RGS3: variants seen among roughly 807,000 people sequenced by gnomAD.
The protein encoded by RGS3 is regulator of G-protein signalling 3.
Under a neutral mutation model 132.6 loss-of-function variants are expected in RGS3, and 80 were observed. That is an observed-to-expected ratio of 0.60 (90% CI 0.50 to 0.73). The LOEUF is 0.73. Ranked by LOEUF, RGS3 falls within the 30% of genes least tolerant of loss-of-function variation. RGS3 has a pLI of 0.00. For synonymous variants in RGS3, 598 were observed against 620.6 expected (o/e 0.96, Z 0.54); for missense variants, 1,382 against 1,530.8 (o/e 0.90, Z 1.62).
intron 17 of RGS3, among the ~76,000 whole-genome samples, chr9:113,528,921 G>T (rs1219957717): frequency 6.6e-6 from 1 of 152,218 alleles, no homozygotes; most frequent in African/African-American, 2.4e-5. Context: ...GATGGATGAG[G>T]GCTCCCCCCA....
chr9:113,522,134 A>T (rs1588196720), intron 16 of RGS3: 5 of 152,346 alleles, frequency 3.3e-5, no homozygotes, highest in Admixed American at 3.3e-4. Context: ...AATGTCTAAG[A>T]ATAGCCTCTG....
intron 14 of RGS3, among the ~76,000 whole-genome samples, chr9:113,510,375 A>AT (rs1371576191): frequency 6.6e-6 from 1 of 152,248 alleles, no homozygotes; most frequent in Non-Finnish European, 1.5e-5. Context: ...TAGGGACTTC[A>AT]TTAGGGTCAA....
In RGS3 at chr9:113,499,693, C is replaced by A. The variant is rs575800100; in HGVS notation, c.897+1613C>A. Among the ~76,000 whole-genome samples, 14 of 152,320 alleles carry A rather than the reference C, an allele frequency of 9.2e-5. No homozygotes were observed. The South Asian group carries it at 1.4e-3, about 16-fold the overall frequency. ...CTCTGGACCTGTCTAAGGCCCTGCC[C>A]CATGGAGCAGTCTAGAGCTGTGCTG... On this transcript the variant is annotated intron_variant, in intron 10 of 24. Transcript: ENST00000350696.
At chr9:113,497,397 G>T (rs766924077) in exon 9 of RGS3, 2 of 1,612,906 alleles carry the variant, frequency 1.2e-6, no homozygotes, top group East Asian at 4.5e-5. Flanking sequence ...GACTGCGGCC[G>T]CTGAGAGGTA....
intron 19 of RGS3, chr9:113,564,858 G>A (rs78294798): frequency 5.1e-5 from 47 of 920,880 alleles, no homozygotes; most frequent in Non-Finnish European, 5.7e-5. Flanking sequence ...CTGGCTGCAG[G>A]AGCCTGGGTT....
intron 3 of RGS3, among the ~76,000 whole-genome samples, chr9:113,469,184 G>A (rs1199399412): frequency 6.6e-6 from 1 of 151,958 alleles, no homozygotes; most frequent in Non-Finnish European, 1.5e-5. Context: ...TGAAGCTTGG[G>A]AACAGATGTC....
In RGS3 at chr9:113,507,570, C is replaced by T. The variant is rs758979802; in HGVS notation, c.1369C>T (p.Leu457=). The T allele has an allele frequency of 1.3e-6, 2 of 1,544,766 alleles. No homozygotes were observed. Among genetic ancestry groups the T allele is most frequent in the South Asian group, 1.2e-5 (1 of 81,848 alleles). The change falls in exon 13 of 25, where the codon CTG becomes TTG. Residue 457 remains leucine, a synonymous_variant. Coordinates refer to ENST00000350696, the Ensembl canonical transcript of RGS3. This position sits in a 1 kb window ranked among gnomAD's most constrained non-coding sequence, Gnocchi z 5.0. ...CGGGGGCCAGCACACCCTGCCTGCA[C>T]TGTCCCGTGCCACTGCCCCCACCGA...
At chr9:113,467,125 G>A (rs1829670431) in intron 3 of RGS3, among the ~76,000 whole-genome samples, 1 of 152,182 alleles carries the variant, frequency 6.6e-6, no homozygotes, top group Non-Finnish European at 1.5e-5. Context: ...ATCTGGTGAT[G>A]AATATTTTGG....
intron 3 of RGS3, among the ~76,000 whole-genome samples, chr9:113,476,492 G>C (rs910449451): frequency 1.3e-5 from 2 of 152,162 alleles, no homozygotes; most frequent in Non-Finnish European, 2.9e-5. Flanking sequence ...GTGTGTCCTG[G>C]CCTGGGGAGC....
At chr9:113,481,335 G>T (rs186243039) in intron 4 of RGS3, among the ~76,000 whole-genome samples, 14 of 152,196 alleles carry the variant, frequency 9.2e-5, no homozygotes, top group African/African-American at 3.4e-4. Context: ...GTGGTTCATT[G>T]TCACTGCTGG....
intron 7 of RGS3, among the ~76,000 whole-genome samples, chr9:113,490,686 T>A (rs956212459): frequency 1.4e-4 from 20 of 143,610 alleles, no homozygotes; most frequent in Non-Finnish European, 1.1e-4. Flanking sequence ...ATATAAAATA[T>A]AATATATTAT....
At chr9:113,540,591 C>G (rs1832860732) in intron 19 of RGS3, among the ~76,000 whole-genome samples, 1 of 152,162 alleles carries the variant, frequency 6.6e-6, no homozygotes, top group Non-Finnish European at 1.5e-5. Context: ...GGCTGGGCTC[C>G]AGGAAGCCTT....
At chr9:113,484,769 A>G (rs1830278015) in intron 6 of RGS3, among the ~76,000 whole-genome samples, 1 of 152,162 alleles carries the variant, frequency 6.6e-6, no homozygotes, top group Admixed American at 6.5e-5. Context: ...TCTTTCCCCA[A>G]TCTCTGAACT....
intron 1 of RGS3, among the ~76,000 whole-genome samples, chr9:113,451,674 C>G (rs1829249091): frequency 6.6e-6 from 1 of 151,494 alleles, no homozygotes. Context: ...ATGCAGGGAG[C>G]TCTGGGTGTT....
chr9:113,515,934 C>A (rs1350722454), intron 15 of RGS3, among the ~76,000 whole-genome samples: 2 of 152,206 alleles, frequency 1.3e-5, no homozygotes, highest in African/African-American at 2.4e-5. Flanking sequence ...TTGTAAATAA[C>A]CCTGTGATGA....
rs763429564 is a variant in RGS3 at position 113,522,882 on chromosome 9, C to CAGCCT, written c.1759-48_1759-47insAGCCT. On this transcript the variant is annotated intron_variant, in intron 16 of 24. Transcript: ENST00000350696. ...TCGGGGAGGTTGTGGCTCTCAGCCT[C>CAGCCT]CAGAGGACAGCAAAGTAGCCAGTTC... 3.1e-6 allele frequency: 4 copies of CAGCCT among 1,285,490 alleles called. No individual in the cohort carries two copies. In the Admixed American group the frequency reaches 6.7e-5, roughly 22 times the overall value. 79.6% of individuals were successfully genotyped at this position (1,285,490 alleles called of 1,614,324 possible).
chr9:113,467,621 A>T (rs1176610549), intron 3 of RGS3, among the ~76,000 whole-genome samples: 1 of 152,076 alleles, frequency 6.6e-6, no homozygotes, highest in Admixed American at 6.6e-5. Context: ...TATATTCTAG[A>T]TGCAAGCTCC....
At chr9:113,452,789 G>A (rs928233117) in intron 1 of RGS3, among the ~76,000 whole-genome samples, 1 of 149,526 alleles carries the variant, frequency 6.7e-6, no homozygotes, top group African/African-American at 2.5e-5. Context: ...CGAGTTCACC[G>A]ATCTTTTTTT....
intron 5 of RGS3, 81 bp from the exon 4 acceptor site, chr9:113,484,057 C>T (rs925022064): frequency 3.6e-6 from 3 of 839,214 alleles, no homozygotes; most frequent in Non-Finnish European, 6.1e-6. Flanking sequence ...AAGCCTTTAA[C>T]TTGGAGATGT....
Sources: allele counts gnomAD v4.1 joint callset (sites outside exome capture counted in the v4.1 genomes callset), GRCh38; gene constraint gnomAD v4.1.1; non-coding constraint Gnocchi (gnomAD v3.1); transcripts MANE v1.5; gene names NCBI Gene and HGNC (gene_info 2026-07-23, HGNC 2026-07-21).